MTHFD1L: variants seen among roughly 807,000 people sequenced by gnomAD.
MTHFD1L encodes the protein methylenetetrahydrofolate dehydrogenase (NADP+ dependent) 1 like, also known as monofunctional C1-tetrahydrofolate synthase, mitochondrial.
A neutral mutation model predicts 119.5 loss-of-function variants in MTHFD1L; 81 were observed. The ratio of observed to expected loss-of-function variants is 0.68; its 90% CI spans 0.57 to 0.82. The LOEUF is 0.82. MTHFD1L is among the 40% of genes least tolerant of loss of function. The pLI, the probability that MTHFD1L is intolerant of heterozygous loss-of-function variation, is 0.00. For missense variants in MTHFD1L, 1,125 were observed against 1,253.4 expected (o/e 0.90, Z 1.55); for synonymous variants, 430 against 475.2 (o/e 0.90, Z 1.24).
intron 26 of MTHFD1L, among the ~76,000 whole-genome samples, chr6:151,042,816 TTC>T (rs1333642770): frequency 1.3e-5 from 2 of 152,230 alleles, no homozygotes; most frequent in African/African-American, 4.8e-5. Flanking sequence ...GCTTTTTTTC[TTC>T]TCTTTTTCCA....
intron 1 of MTHFD1L, chr6:150,866,481 G>A (rs1778344430): frequency 7.6e-7 from 1 of 1,318,018 alleles, no homozygotes. Flanking sequence ...GCTGGCCCGG[G>A]GTTCGGGAAG....
At chr6:150,940,413 A>G (rs1318282381) in intron 13 of MTHFD1L, among the ~76,000 whole-genome samples, 1 of 152,036 alleles carries the variant, frequency 6.6e-6, no homozygotes, top group South Asian at 2.1e-4. Context: ...GATGGGTACC[A>G]TTCATGAGCC....
intron 7 of MTHFD1L, among the ~76,000 whole-genome samples, chr6:150,901,733 T>G (rs1442352423): frequency 6.6e-6 from 1 of 152,210 alleles, no homozygotes; most frequent in Admixed American, 6.5e-5. Context: ...AATGCCAATG[T>G]CTTTAGTTAT....
In MTHFD1L at chr6:150,955,876, G is replaced by A. The variant is rs116101180; in HGVS notation, c.1727-119G>A. 3.1e-3 allele frequency: 2,408 copies of A among 781,396 alleles called. 46 individuals carry two copies. The African/African-American group carries it at 0.037, about 12-fold the overall frequency. 48.4% of individuals were successfully genotyped at this position (781,396 alleles called of 1,614,324 possible). A position where few individuals can be genotyped will look rare whatever the true frequency, so the allele number is the denominator to read the frequency against. On this transcript the variant is annotated intron_variant, in intron 16 of 27. Transcript: ENST00000367321. ...CTACCCACTAGATGGTCAGCTTGGG[G>A]GAGCCTGACCTTTTCTCTTTCACCC...
intron 26 of MTHFD1L, among the ~76,000 whole-genome samples, chr6:151,088,561 A>G (rs1053357190): frequency 5.3e-5 from 8 of 149,708 alleles, no homozygotes; most frequent in African/African-American, 1.5e-4. Context: ...AGTTCAAACG[A>G]TTCTCCTTCC....
rs1244952597 is a variant in MTHFD1L, at chr6:150,866,055, T to C, written c.227+6T>C. 2.0e-6 allele frequency: 3 copies of C among 1,472,490 alleles called. No individual in the cohort carries two copies. Among genetic ancestry groups the C allele is most frequent in the South Asian group, 1.3e-5 (1 of 78,062 alleles). 91.2% of individuals were successfully genotyped at this position (1,472,490 alleles called of 1,614,324 possible). A position where few individuals can be genotyped will look rare whatever the true frequency, so the allele number is the denominator to read the frequency against. On this transcript the variant is annotated splice_donor_region_variant and intron_variant, in intron 1 of 27. Transcript: ENST00000367321. ...GCGCGGGACTCCATCGTCAGGTGAG[T>C]GTCGGGTCTGGCCCTGGCCCAGGTC...
rs1188710971 is a variant in MTHFD1L, at chr6:150,885,685, T to C, written c.594T>C (p.Cys198=). 1 of 1,614,114 alleles carries C rather than the reference T, an allele frequency of 6.2e-7. No individual in the cohort carries two copies. The part of the protein sequence containing the change: ...GKLVRGDAHE[C]FVSPVAKAVI... ...TGGTGCGAGGGGATGCCCATGAATGTTTTGTTTCACCTGTTGCCAAAGCTG... is the reference window on the plus strand; with the variant it reads ...TGGTGCGAGGGGATGCCCATGAATGCTTTGTTTCACCTGTTGCCAAAGCTG... Residue 198 remains cysteine (C), a synonymous_variant, in exon 6 of 28, where the codon TGT becomes TGC. Coordinates refer to ENST00000367321, the MANE Select transcript of MTHFD1L (RefSeq NM_015440.5).
At chr6:151,017,005 G>A (rs1783180645) in intron 24 of MTHFD1L, among the ~76,000 whole-genome samples, 1 of 149,340 alleles carries the variant, frequency 6.7e-6, no homozygotes, top group Admixed American at 6.7e-5. Context: ...GAACTCCTGA[G>A]CTCCGGCAGT....
intron 1 of MTHFD1L, among the ~76,000 whole-genome samples, chr6:150,874,709 G>C (rs1244324155): frequency 1.3e-5 from 2 of 152,118 alleles, no homozygotes; most frequent in Non-Finnish European, 2.9e-5. Flanking sequence ...TGGTGGCGAA[G>C]GTAGCCTCTG....
At chr6:150,897,856 T>A (rs1784496575) in intron 7 of MTHFD1L, among the ~76,000 whole-genome samples, 2 of 152,128 alleles carry the variant, frequency 1.3e-5, no homozygotes, top group South Asian at 2.1e-4. Context: ...AAAAAAAAAT[T>A]TTTTTGAGAC....
At chr6:151,081,074 T>C (rs1428102442) in intron 26 of MTHFD1L, among the ~76,000 whole-genome samples, 2 of 152,210 alleles carry the variant, frequency 1.3e-5, no homozygotes, top group African/African-American at 4.8e-5. Context: ...GTCCATTATA[T>C]ACAGTAAGCC....
chr6:151,070,402 C>G (rs1174040598), intron 26 of MTHFD1L, among the ~76,000 whole-genome samples: 1 of 152,250 alleles, frequency 6.6e-6, no homozygotes, highest in African/African-American at 2.4e-5. Context: ...ACCAGCTTCT[C>G]TCTTTCAGTT....
At chr6:150,974,670 A>G (rs556686077) in intron 20 of MTHFD1L, among the ~76,000 whole-genome samples, 4 of 151,328 alleles carry the variant, frequency 2.6e-5, no homozygotes, top group Non-Finnish European at 4.4e-5. Context: ...TATTTCACTT[A>G]GCATAATGTC....
chr6:150,936,982 G>T (rs747457378), intron 12 of MTHFD1L, 42 bp downstream of exon 12: 4 of 1,600,442 alleles, frequency 2.5e-6, no homozygotes, highest in Middle Eastern at 1.7e-4. Context: ...GGGCAAAGTT[G>T]GGGGGAGAGA....
At chr6:151,029,008 C>T (rs374858822) in intron 24 of MTHFD1L, among the ~76,000 whole-genome samples, 4 of 152,108 alleles carry the variant, frequency 2.6e-5, no homozygotes, top group African/African-American at 9.7e-5. Flanking sequence ...GAAGTTGAGG[C>T]TGCAGTGAGC....
intron 27 of MTHFD1L, among the ~76,000 whole-genome samples, chr6:151,095,696 G>A (rs373883863): frequency 1.3e-5 from 2 of 152,356 alleles, no homozygotes; most frequent in African/African-American, 4.8e-5. Flanking sequence ...TAAGCACTTT[G>A]CATGGGTGGT....
At chr6:150,995,606 T>C (rs1277112157) in intron 20 of MTHFD1L, among the ~76,000 whole-genome samples, 1 of 151,678 alleles carries the variant, frequency 6.6e-6, no homozygotes, top group African/African-American at 2.4e-5. Context: ...AAAGTGAAAA[T>C]GATTTATGGT....
chr6:150,928,334 G>A (rs1790400992), intron 11 of MTHFD1L, among the ~76,000 whole-genome samples: 1 of 150,878 alleles, frequency 6.6e-6, no homozygotes, highest in Non-Finnish European at 1.5e-5. Context: ...TACTCAGGAG[G>A]CTGAGGCAGG....
intron 11 of MTHFD1L, among the ~76,000 whole-genome samples, chr6:150,929,993 C>G (rs1790746222): frequency 6.6e-6 from 1 of 152,154 alleles, no homozygotes; most frequent in South Asian, 2.1e-4. Flanking sequence ...ATGAACAGCC[C>G]CTTCTCCCCA....
Sources: allele counts gnomAD v4.1 joint callset (sites outside exome capture counted in the v4.1 genomes callset), GRCh38; gene constraint gnomAD v4.1.1; transcripts MANE v1.5; gene names NCBI Gene and HGNC (gene_info 2026-07-23, HGNC 2026-07-21).